HLA-DPA1: variants seen among roughly 807,000 people sequenced by gnomAD.
HLA-DPA1 encodes the protein major histocompatibility complex, class II, DP alpha 1, also known as HLA class II histocompatibility antigen, DP alpha 1 chain.
Under a neutral mutation model 21.5 loss-of-function variants are expected in HLA-DPA1, and 20 were observed. The observed-to-expected ratio is 0.93, with a 90% CI of 0.66 to 1.35. The LOEUF is 1.35. Among genes scored for constraint, HLA-DPA1 ranks in the 40% most tolerant of loss-of-function variants. The pLI, the probability that HLA-DPA1 is intolerant of heterozygous loss-of-function variation, is 0.00. For missense variants in HLA-DPA1, 279 were observed against 323.0 expected (o/e 0.86, Z 1.05); for synonymous variants, 123 against 129.6 (o/e 0.95, Z 0.35).
At chr6:33,076,968 G>T (rs965275316) in intron 1 of HLA-DPA1, among the ~76,000 whole-genome samples, 1 of 151,808 alleles carries the variant, frequency 6.6e-6, no homozygotes, top group Non-Finnish European at 1.5e-5. Flanking sequence ...TGTGCACAAC[G>T]TGCAGGTTTG....
intron 2 of HLA-DPA1, 90 bp downstream of exon 1, chr6:33,073,381 G>A: frequency 1.2e-6 from 1 of 810,202 alleles, no homozygotes; most frequent in Admixed American, 1.8e-5. Flanking sequence ...AGATCAATGA[G>A]CCCCTAAAAT....
intron 1 of HLA-DPA1, among the ~76,000 whole-genome samples, chr6:33,077,887 T>C (rs750266377): frequency 2.4e-4 from 36 of 149,724 alleles, no homozygotes; most frequent in Admixed American, 6.1e-4. Context: ...TACCTTGGGT[T>C]CATTGTCCAG....
chr6:33,065,146 A>AACATTTATTCT (rs368570602), exon 6 of HLA-DPA1: 1 of 152,110 alleles, frequency 6.6e-6, no homozygotes, highest in African/African-American at 2.4e-5. Flanking sequence ...CCAAAGTGTC[A>AACATTTATTCT]TTAATTTCTA....
In HLA-DPA1 at chr6:33,080,539, T is replaced by C. The variant is rs766120636; in HGVS notation, c.-100+141A>G. On this transcript the variant is annotated intron_variant, in intron 1 of 5. Transcript: ENST00000419277. This position sits in a 1 kb window ranked among gnomAD's most constrained non-coding sequence, Gnocchi z 4.3. Reference sequence around the variant, plus strand: ...CGCTTAGGACCACAGAACTCGGTACTAGGAAAACTCCTATTTTAAAATCCA... The same window carrying C: ...CGCTTAGGACCACAGAACTCGGTACCAGGAAAACTCCTATTTTAAAATCCA... 6 of 1,335,152 alleles carry C rather than the reference T, an allele frequency of 4.5e-6. No individual in the cohort carries two copies. The highest frequency in any genetic ancestry group is 3.8e-5 in the Admixed American group (2 of 52,414). 82.7% of individuals were successfully genotyped at this position (1,335,152 alleles called of 1,614,324 possible).
intron 1 of HLA-DPA1, among the ~76,000 whole-genome samples, chr6:33,075,479 G>T (rs1408953171): frequency 2.6e-5 from 4 of 152,148 alleles, no homozygotes; most frequent in Non-Finnish European, 1.5e-5. Context: ...AAGTAAATAT[G>T]AATGGGTGCT....
chr6:33,079,970 T>C (rs779412577), intron 1 of HLA-DPA1: 10 of 221,844 alleles, frequency 4.5e-5, no homozygotes, highest in Non-Finnish European at 7.3e-5. Flanking sequence ...TCCCTGGTTG[T>C]TGTGGTGATT....
chr6:33,069,072 T>C (rs538643313), exon 4 of HLA-DPA1: 2 of 1,613,004 alleles, frequency 1.2e-6, no homozygotes, highest in South Asian at 1.1e-5. Context: ...CCTGCAGTCA[T>C]AGAAGTCCTC....
intron 3 of HLA-DPA1, 147 bp from the exon 3 acceptor site, chr6:33,069,447 C>A: frequency 9.9e-7 from 1 of 1,012,844 alleles, no homozygotes; most frequent in Non-Finnish European, 1.5e-6. Flanking sequence ...ACTGACCAGC[C>A]TCACTCTGCT....
chr6:33,073,633 T>C lies in HLA-DPA1; in HGVS notation c.-63A>G. 9.5e-6 allele frequency: 11 copies of C among 1,153,656 alleles called. No homozygotes were observed. The Middle Eastern group carries it at 9.8e-4, about 102-fold the overall frequency. The allele number at this position is 1,153,656 out of a possible 1,614,324, so 71.5% of individuals were successfully genotyped here. The stretch of plus-strand genomic sequence containing the variant: ...ACAGTGATGAGGAACTGAGGCCGAG[T>C]GGAGGCAGATGAGACTGAAACTGTG... On this transcript the variant is annotated 5_prime_UTR_variant, in exon 2 of 6. Transcript: ENST00000419277.
chr6:33,073,472 C>G, exon 2 of HLA-DPA1: 2 of 1,609,342 alleles, frequency 1.2e-6, no homozygotes, highest in Non-Finnish European at 1.7e-6. Context: ...AGCACTCACC[C>G]TTGATGGCCC....
At chr6:33,077,695 G>A (rs372225427) in intron 1 of HLA-DPA1, among the ~76,000 whole-genome samples, 4 of 152,240 alleles carry the variant, frequency 2.6e-5, no homozygotes, top group South Asian at 2.1e-4. Flanking sequence ...CTGCAAAGTA[G>A]GTACCTTAGT....
chr6:33,074,895 T>C (rs1250381635), intron 1 of HLA-DPA1, among the ~76,000 whole-genome samples: 4 of 152,230 alleles, frequency 2.6e-5, no homozygotes, highest in Admixed American at 2.6e-4. Context: ...TTAATCCTAC[T>C]AGACACCTTC....
At chr6:33,073,502 C>A (rs1562133341) in exon 2 of HLA-DPA1, 2 of 1,612,884 alleles carry the variant, frequency 1.2e-6, no homozygotes. Flanking sequence ...GGAGACTCAG[C>A]AGGAAAGCCA....
At chr6:33,076,177 T>A in intron 1 of HLA-DPA1, 1 of 1,406,240 alleles carries the variant, frequency 7.1e-7, no homozygotes, top group Middle Eastern at 1.8e-4. Flanking sequence ...AGGGTCTGGC[T>A]CAGGGAACAA....
At chr6:33,066,375 TG>T (rs1761954212) in intron 5 of HLA-DPA1, 1 of 152,202 alleles carries the variant, frequency 6.6e-6, no homozygotes, top group South Asian at 2.1e-4. Flanking sequence ...TTAGTAGTTG[TG>T]GGAACACACT....
At chr6:33,079,648 CA>C (rs548188684) in intron 1 of HLA-DPA1, 43 of 467,002 alleles carry the variant, frequency 9.2e-5, no homozygotes, top group South Asian at 1.5e-4. Flanking sequence ...ACAACAACAA[CA>C]AAAAAAACAT....
intron 1 of HLA-DPA1, among the ~76,000 whole-genome samples, chr6:33,074,572 G>T (rs932568814): frequency 1.3e-5 from 2 of 152,072 alleles, no homozygotes; most frequent in African/African-American, 4.8e-5. Context: ...ACTATTTAAT[G>T]TAATGATGAA....
chr6:33,073,952 A>G (rs1762416430), intron 1 of HLA-DPA1, among the ~76,000 whole-genome samples: 1 of 152,128 alleles, frequency 6.6e-6, no homozygotes, highest in Non-Finnish European at 1.5e-5. Flanking sequence ...CAGTCAGATG[A>G]TCTTTGATGT....
At position 33,080,707 on chromosome 6, in the gene HLA-DPA1, G is replaced by A. The variant is rs41555313; in HGVS notation, c.-127C>T. 4 of 1,613,102 alleles carry A rather than the reference G, an allele frequency of 2.5e-6. No individual in the cohort carries two copies. The highest frequency in any genetic ancestry group is 3.4e-6 in the Non-Finnish European group (4 of 1,179,790). ...TTTCCAGGGACGGCAGGAATGCTAC[G>A]CGTTTAATGGGACACAGCGCTTCCT... On this transcript the variant is annotated 5_prime_UTR_variant, in exon 1 of 6. Transcript: ENST00000419277. This position sits in a 1 kb window ranked among gnomAD's most constrained non-coding sequence, Gnocchi z 4.3.
Sources: allele counts gnomAD v4.1 joint callset (sites outside exome capture counted in the v4.1 genomes callset), GRCh38; gene constraint gnomAD v4.1.1; non-coding constraint Gnocchi (gnomAD v3.1); transcripts MANE v1.5; gene names NCBI Gene and HGNC (gene_info 2026-07-23, HGNC 2026-07-21).